The following ASCC3 variants were observed in gnomAD, a reference collection of about 807,000 sequenced individuals.
ASCC3 encodes ASC-1 complex subunit P200.
In ASCC3, 158 loss-of-function variants were observed where a neutral mutation model predicts 256.3. The ratio of observed to expected loss-of-function variants is 0.62; its 90% CI spans 0.54 to 0.70. ASCC3 has a LOEUF of 0.70. Ranked by LOEUF, ASCC3 falls within the 30% of genes least tolerant of loss-of-function variation. ASCC3 has a pLI of 0.00. For synonymous variants in ASCC3, 948 were observed against 883.4 expected (o/e 1.07, Z -1.30); for missense variants, 2,259 against 2,626.0 (o/e 0.86, Z 3.05).
chr6:100,719,508 A>G lies in ASCC3; in HGVS notation c.1903-1257T>C, dbSNP rs1342859222. Among the ~76,000 whole-genome samples the G allele has an allele frequency of 2.6e-5, 4 of 152,212 alleles. No individual in the cohort carries two copies. The East Asian group carries it at 7.7e-4, about 29-fold the overall frequency. On this transcript the variant is annotated intron_variant, in intron 11 of 41. Transcript: ENST00000369162. ...TTTTTAAGGTTGTTTGATGTTAAAG[A>G]CACAATACTCTGGCAAACACCAGAC...
At chr6:100,670,246 C>T (rs1776675127) in intron 14 of ASCC3, among the ~76,000 whole-genome samples, 1 of 151,780 alleles carries the variant, frequency 6.6e-6, no homozygotes, top group African/African-American at 2.4e-5. Flanking sequence ...AACTTAAAAA[C>T]GTTAACACTA....
At chr6:100,813,183 C>T (rs371128161) in intron 4 of ASCC3, among the ~76,000 whole-genome samples, 5 of 152,092 alleles carry the variant, frequency 3.3e-5, no homozygotes, top group East Asian at 1.9e-4. Context: ...GGGCCAGGTG[C>T]GGTGGCTCAT....
intron 11 of ASCC3, among the ~76,000 whole-genome samples, chr6:100,719,322 T>A (rs1011420690): frequency 1.3e-5 from 2 of 152,046 alleles, no homozygotes; most frequent in African/African-American, 4.8e-5. Flanking sequence ...GGGGAAATAA[T>A]CACCAGACCT....
chr6:100,628,024 C>G (rs779833883), intron 27 of ASCC3, 37 bp from the exon 28 acceptor site: 2 of 1,600,722 alleles, frequency 1.2e-6, no homozygotes, highest in African/African-American at 2.7e-5. Flanking sequence ...AATCATTTAA[C>G]AAGCCTGTGT....
intron 14 of ASCC3, among the ~76,000 whole-genome samples, chr6:100,666,620 A>G (rs1776487580): frequency 6.6e-6 from 1 of 152,186 alleles, no homozygotes; most frequent in African/African-American, 2.4e-5. Flanking sequence ...GTGCATATCT[A>G]ATCAGCTCCT....
At chr6:100,576,799 T>C (rs557531762) in intron 36 of ASCC3, among the ~76,000 whole-genome samples, 126 of 151,898 alleles carry the variant, frequency 8.3e-4, no homozygotes, top group African/African-American at 2.9e-3. Flanking sequence ...GACTAGAGTA[T>C]TTTACTATCA....
intron 36 of ASCC3, among the ~76,000 whole-genome samples, chr6:100,583,757 G>A (rs1458778569): frequency 2.0e-5 from 3 of 151,990 alleles, no homozygotes; most frequent in Non-Finnish European, 2.9e-5. Flanking sequence ...ACACTGCTTT[G>A]AATGTGTCCC....
intron 17 of ASCC3, among the ~76,000 whole-genome samples, chr6:100,655,433 T>C (rs1444057519): frequency 2.0e-5 from 3 of 151,816 alleles, no homozygotes; most frequent in African/African-American, 7.2e-5. Flanking sequence ...CACACCAAAA[T>C]ATTAATATCA....
At position 100,512,735 on chromosome 6, in the gene ASCC3, G is replaced by C; in HGVS notation, c.6259C>G (p.Gln2087Glu). 1 of 1,614,062 alleles carries C rather than the reference G, an allele frequency of 6.2e-7. No individual in the cohort carries two copies. The highest frequency in any genetic ancestry group is 8.5e-7 in the Non-Finnish European group (1 of 1,179,972). ...DQEYVLQVSL[Q>E]RVHFGFHKGK... ...TTGTGGAACCCAAAGTGGACTCTCT[G>C]CAAGCTCACTTGAAGCACATACTCT... The change falls in exon 40 of 42, where the codon CAG becomes GAG. Residue 2087 changes from glutamine to glutamate, a missense_variant. Physicochemically the swap from Gln to Glu is conservative, Grantham distance 29. This residue lies in a region of ASCC3 where 1,839 missense variants were observed against 2,206.7 expected (regional missense o/e 0.83). Transcript: ENST00000369162.
chr6:100,850,974 T>G (rs1418803413), intron 3 of ASCC3, among the ~76,000 whole-genome samples: 2 of 152,158 alleles, frequency 1.3e-5, no homozygotes, highest in African/African-American at 4.8e-5. Context: ...TCTACCATTG[T>G]AAATACACAT....
intron 16 of ASCC3, among the ~76,000 whole-genome samples, chr6:100,657,407 T>C (rs947980154): frequency 8.6e-5 from 13 of 151,494 alleles, no homozygotes; most frequent in Non-Finnish European, 1.9e-4. Context: ...TTTTCTAGTC[T>C]ACTTAGGTAA....
chr6:100,688,803 G>C (rs950222360), intron 13 of ASCC3, among the ~76,000 whole-genome samples: 4 of 152,120 alleles, frequency 2.6e-5, no homozygotes, highest in South Asian at 2.1e-4. Context: ...TAAAGGATTG[G>C]AGTCTAGGAA....
chr6:100,543,617 G>A (rs988206642), intron 36 of ASCC3, among the ~76,000 whole-genome samples: 5 of 151,598 alleles, frequency 3.3e-5, no homozygotes, highest in Admixed American at 6.6e-5. Context: ...GGATAAAGAC[G>A]GTAACTTCAT....
At chr6:100,573,168 A>G (rs888855238) in intron 36 of ASCC3, among the ~76,000 whole-genome samples, 47 of 152,232 alleles carry the variant, frequency 3.1e-4, no homozygotes, top group African/African-American at 1.1e-3. Context: ...ACATATTCAG[A>G]TGGCCTTAAA....
At chr6:100,719,090 A>T (rs1465535414) in intron 11 of ASCC3, among the ~76,000 whole-genome samples, 1 of 152,136 alleles carries the variant, frequency 6.6e-6, no homozygotes, top group Non-Finnish European at 1.5e-5. Flanking sequence ...CCTAATCTGT[A>T]GGCACTAGGG....
chr6:100,766,828 C>G, intron 9 of ASCC3, 123 bp from the exon 10 acceptor site: 1 of 1,187,728 alleles, frequency 8.4e-7, no homozygotes. Flanking sequence ...AGTGAAAAAT[C>G]TTAATAGTGA....
intron 13 of ASCC3, among the ~76,000 whole-genome samples, chr6:100,708,353 T>C (rs994268291): frequency 3.3e-5 from 5 of 152,260 alleles, no homozygotes; most frequent in African/African-American, 1.2e-4. Flanking sequence ...TTTTAGGATG[T>C]TGAATTTGAA....
chr6:100,746,482 T>C (rs1780684154), intron 10 of ASCC3, among the ~76,000 whole-genome samples: 1 of 152,178 alleles, frequency 6.6e-6, no homozygotes, highest in Non-Finnish European at 1.5e-5. Flanking sequence ...TTGTGGGTAA[T>C]TTTTTCCTAC....
chr6:100,639,531 T>C (rs1775010903), intron 24 of ASCC3, among the ~76,000 whole-genome samples: 1 of 152,192 alleles, frequency 6.6e-6, no homozygotes, highest in Non-Finnish European at 1.5e-5. Flanking sequence ...AAGGCCACTT[T>C]ACTCTCAAGA....
Sources: gnomAD v4.1 joint callset for allele counts (sites outside exome capture counted in the v4.1 genomes callset) on GRCh38, gnomAD v4.1.1 for gene constraint, gnomAD v4.1.1 regional missense constraint, MANE v1.5 for transcripts, NCBI Gene and HGNC (gene_info 2026-07-23, HGNC 2026-07-21) for gene names.